SAP30BP: variants seen among roughly 807,000 people sequenced by gnomAD.
SAP30BP encodes SAP30 binding protein.
Under a neutral mutation model 46.3 loss-of-function variants are expected in SAP30BP, and 31 were observed. The observed-to-expected ratio is 0.67, with a 90% CI of 0.50 to 0.90. The LOEUF (loss-of-function observed/expected upper bound fraction) is 0.90, where lower values mean the gene tolerates loss of function less well. Among genes scored for constraint, SAP30BP ranks in the 40% least tolerant of loss-of-function variants. The probability of loss-of-function intolerance (pLI) is 0.00; values close to 1 mark genes in which losing one functional copy is unlikely to be tolerated. For synonymous variants in SAP30BP, 169 were observed against 144.2 expected, an observed-to-expected ratio of 1.17 and a Z score of -1.23; for missense variants, 312 against 391.0, an observed-to-expected ratio of 0.80 and a Z score of 1.70.
intron 1 of SAP30BP, chr17:75,668,035 G>A (rs764480942): frequency 1.3e-5 from 2 of 159,244 alleles, no homozygotes; most frequent in Non-Finnish European, 2.8e-5. Flanking sequence ...TAACGGTGAT[G>A]TTCTCCTCCT....
intron 3 of SAP30BP, chr17:75,691,429 C>T (rs76943281): frequency 2.2e-6 from 1 of 456,468 alleles, no homozygotes; most frequent in Admixed American, 2.3e-5. Context: ...AGCCTGGCAG[C>T]ACACACACCC....
At chr17:75,703,154 C>T in intron 6 of SAP30BP, 157 bp from the exon 7 acceptor site, 2 of 666,724 alleles carry the variant, frequency 3.0e-6, no homozygotes, top group Non-Finnish European at 5.4e-6. Context: ...GGTCCATCTC[C>T]CTGGGAGAGT....
chr17:75,704,675 G>GAACGCAGGGATCAGAGT, intron 8 of SAP30BP, 81 bp from the exon 9 acceptor site: 1 of 1,058,298 alleles, frequency 9.4e-7, no homozygotes, highest in South Asian at 1.3e-5. Context: ...CCGCTGAAAA[G>GAACGCAGGGATCAGAGT]AACGCAGGGA....
chr17:75,693,886 G>C (rs1267198849), intron 4 of SAP30BP, among the ~76,000 whole-genome samples: 1 of 152,160 alleles, frequency 6.6e-6, no homozygotes, highest in Non-Finnish European at 1.5e-5. Context: ...CTGGCACTTT[G>C]CTCTGTCCCC....
chr17:75,684,809 C>G (rs897116813), intron 3 of SAP30BP: 7 of 152,168 alleles, frequency 4.6e-5, no homozygotes, highest in African/African-American at 1.7e-4. Flanking sequence ...GCAGGCAGGC[C>G]ATGAAAGTCA....
intron 3 of SAP30BP, among the ~76,000 whole-genome samples, chr17:75,689,889 C>A (rs549461022): frequency 6.6e-6 from 1 of 152,260 alleles, no homozygotes; most frequent in African/African-American, 2.4e-5. Flanking sequence ...AATAATCGAG[C>A]CTTTCTTCCG....
intron 3 of SAP30BP, chr17:75,693,153 A>C (rs901613563): frequency 2.4e-5 from 9 of 378,556 alleles, no homozygotes; most frequent in African/African-American, 1.9e-4. Flanking sequence ...TGGCTGCAGC[A>C]GGCTTGCTGG....
chr17:75,671,725 A>G (rs986864879), intron 2 of SAP30BP, 91 bp from the exon 3 acceptor site: 18 of 950,996 alleles, frequency 1.9e-5, no homozygotes, highest in Non-Finnish European at 3.1e-5. Flanking sequence ...AGCTGGGTAA[A>G]TGGGCTGTTT....
intron 7 of SAP30BP, 182 bp from the exon 8 acceptor site, chr17:75,703,626 G>T: frequency 1.5e-6 from 1 of 658,662 alleles, no homozygotes; most frequent in Admixed American, 2.6e-5. Flanking sequence ...TTCGCTGGAT[G>T]GGGGCTTCGT....
At chr17:75,691,046 C>T (rs902761691) in intron 3 of SAP30BP, among the ~76,000 whole-genome samples, 1 of 152,162 alleles carries the variant, frequency 6.6e-6, no homozygotes, top group Non-Finnish European at 1.5e-5. Context: ...TTGGTCAGTA[C>T]TTTGTTCAGA....
chr17:75,680,585 C>T (rs540317576), intron 3 of SAP30BP, among the ~76,000 whole-genome samples: 1 of 152,298 alleles, frequency 6.6e-6, no homozygotes, highest in African/African-American at 2.4e-5. Context: ...AGGTGCTTTT[C>T]GCAGTATACA....
chr17:75,689,579 A>G (rs2053508), intron 3 of SAP30BP, among the ~76,000 whole-genome samples: 71,441 of 152,086 alleles, frequency 0.47, 19,008 homozygotes, highest in Non-Finnish European at 0.6. Flanking sequence ...TGCGGGTTCC[A>G]TGCCCTCTGG....
rs187582254 is a variant in SAP30BP, at chr17:75,691,840, T to A, written c.265-1600T>A. On this transcript the variant is annotated intron_variant, in intron 3 of 10. Transcript: ENST00000584667. Reference sequence around the variant, plus strand: ...AATGTGAGGGCATTTTACAGTCCCATGTATTGTTACTAACACTCTTGAACA... The same window carrying A: ...AATGTGAGGGCATTTTACAGTCCCAAGTATTGTTACTAACACTCTTGAACA... The A allele has an allele frequency of 2.0e-5, 5 of 249,226 alleles. No homozygotes were observed. In the Admixed American group the frequency reaches 2.0e-4, roughly 10 times the overall value. The allele number at this position is 249,226 out of a possible 1,614,324, so 15.4% of individuals were successfully genotyped here.
chr17:75,702,708 C>T, intron 6 of SAP30BP, 137 bp downstream of exon 6: 1 of 512,380 alleles, frequency 2.0e-6, no homozygotes, highest in Admixed American at 3.3e-5. Context: ...TGAGTGCCTG[C>T]TGGACATGGC....
chr17:75,671,962 A>G, intron 3 of SAP30BP, 99 bp downstream of exon 3: 2 of 927,880 alleles, frequency 2.2e-6, no homozygotes, highest in Non-Finnish European at 3.6e-6. Flanking sequence ...CCCACTGACA[A>G]ACTGTGCAAC....
intron 4 of SAP30BP, among the ~76,000 whole-genome samples, chr17:75,698,995 C>G (rs898707133): frequency 6.6e-6 from 1 of 152,234 alleles, no homozygotes; most frequent in Non-Finnish European, 1.5e-5. Flanking sequence ...AGTTCAAGAC[C>G]AGCCTGGGCA....
intron 3 of SAP30BP, among the ~76,000 whole-genome samples, chr17:75,673,034 A>C (rs971743354): frequency 6.6e-6 from 1 of 152,136 alleles, no homozygotes; most frequent in African/African-American, 2.4e-5. Flanking sequence ...AAATTTAGGA[A>C]ATTTATGCCC....
intron 3 of SAP30BP, among the ~76,000 whole-genome samples, chr17:75,685,002 G>C (rs8067790): frequency 6.6e-6 from 1 of 152,034 alleles, no homozygotes; most frequent in African/African-American, 2.4e-5. Flanking sequence ...ACCCCTCCTT[G>C]GCTCCATTGC....
chr17:75,683,530 C>T (rs538318300), intron 3 of SAP30BP: 5 of 152,230 alleles, frequency 3.3e-5, no homozygotes, highest in South Asian at 2.1e-4. Context: ...GAAATAAGCA[C>T]GTTACACTAG....
Sources: gnomAD v4.1 joint callset for allele counts (sites outside exome capture counted in the v4.1 genomes callset) on GRCh38, gnomAD v4.1.1 for gene constraint, MANE v1.5 for transcripts, NCBI Gene and HGNC (gene_info 2026-07-23, HGNC 2026-07-21) for gene names.